Variants in PTPN11 observed in about 807,000 individuals in gnomAD.
PTPN11 encodes protein tyrosine phosphatase non-receptor type 11.
PTPN11 carries 6 observed loss-of-function variants against 78.8 expected under a neutral mutation model. That is an observed-to-expected ratio of 0.08 (90% CI 0.04 to 0.15). The LOEUF (loss-of-function observed/expected upper bound fraction) is 0.15, where lower values mean the gene tolerates loss of function less well. PTPN11 is among the 10% of genes least tolerant of loss of function. The pLI is 1.00. For missense variants in PTPN11, 386 were observed against 744.8 expected, an observed-to-expected ratio of 0.52 and a Z score of 5.61; for synonymous variants, 221 against 263.5, an observed-to-expected ratio of 0.84 and a Z score of 1.56.
At chr12:112,460,902 C>T (rs1236778934) in intron 6 of PTPN11, among the ~76,000 whole-genome samples, 1 of 152,104 alleles carries the variant, frequency 6.6e-6, no homozygotes, top group East Asian at 1.9e-4. Context: ...CCTTCCATCT[C>T]TCTTTTTCTG....
intron 13 of PTPN11, 86 bp downstream of exon 13, chr12:112,489,261 T>A: frequency 6.7e-7 from 1 of 1,488,108 alleles, no homozygotes; most frequent in Non-Finnish European, 9.4e-7. Context: ...GAGGACAGGC[T>A]CTGATAGACA....
chr12:112,448,788 C>T (rs973863079), intron 2 of PTPN11, among the ~76,000 whole-genome samples: 8 of 152,110 alleles, frequency 5.3e-5, no homozygotes, highest in African/African-American at 1.4e-4. Flanking sequence ...AATATAGTAA[C>T]CTTTTGCATA....
At chr12:112,429,730 G>A (rs949717913) in intron 1 of PTPN11, among the ~76,000 whole-genome samples, 6 of 150,992 alleles carry the variant, frequency 4.0e-5, no homozygotes, top group African/African-American at 1.5e-4. Context: ...CTTGAACCCG[G>A]GAGTGGAGGT....
chr12:112,506,283 C>T lies in PTPN11; in HGVS notation c.*491C>T, dbSNP rs3241. 2.0e-5 allele frequency: 3 copies of T among 151,916 alleles called. No individual in the cohort carries two copies. Among genetic ancestry groups the T allele is most frequent in the Admixed American group, 2.0e-4 (3 of 15,244 alleles). The allele number at this position is 151,916 out of a possible 1,614,324, so 9.4% of individuals were successfully genotyped here. ...ACAATCTCATTTACCATCATGTATCCAGTAGTGGATAATTCATTTTGATGG... is the reference window on the plus strand; with the variant it reads ...ACAATCTCATTTACCATCATGTATCTAGTAGTGGATAATTCATTTTGATGG... On this transcript the variant is annotated 3_prime_UTR_variant, in exon 16 of 16. Transcript: ENST00000351677.
chr12:112,491,224 C>G (rs1283911280), intron 13 of PTPN11, among the ~76,000 whole-genome samples: 1 of 151,800 alleles, frequency 6.6e-6, no homozygotes, highest in Non-Finnish European at 1.5e-5. Flanking sequence ...TCACACTCTG[C>G]CAGTTCCTTG....
intron 1 of PTPN11, among the ~76,000 whole-genome samples, chr12:112,426,569 T>G (rs2037619590): frequency 6.6e-6 from 1 of 152,106 alleles, no homozygotes; most frequent in Admixed American, 6.6e-5. Flanking sequence ...AACTTTGTTT[T>G]TTTTCCTCTT....
rs146404895 is a variant in PTPN11 at position 112,482,910 on chromosome 12, A to G, written c.1224+705A>G. On this transcript the variant is annotated intron_variant, in intron 10 of 15. Transcript: ENST00000351677. This position sits in a 1 kb window ranked among gnomAD's most constrained non-coding sequence, Gnocchi z 4.4. ...TGGGCAGTGATTTGTTTTCTTCTGG[A>G]TGTGTTCAGCTGGGCATCTGAACAG... is the stretch of plus-strand genomic sequence containing the variant. Among the ~76,000 whole-genome samples the G allele has an allele frequency of 1.1e-3, 170 of 152,210 alleles. 3 individuals are homozygous for G. Among genetic ancestry groups the G allele is most frequent in the Non-Finnish European group, 4.4e-5 (3 of 68,016 alleles).
In PTPN11 at chr12:112,486,531, C is replaced by T. The variant is rs753173299; in HGVS notation, c.1281C>T (p.Gly427=). The change falls in exon 11 of 16, where the codon GGC becomes GGT. Residue 427 remains glycine, a synonymous_variant. Transcript: ENST00000351677. ...QYHFRTWPDH[G]VPSDPGGVLD... The stretch of plus-strand genomic sequence containing the variant: ...ACTTTCGGACCTGGCCGGACCACGG[C>T]GTGCCCAGCGACCCTGGGGGCGTGC... 32 of 1,614,110 alleles carry T rather than the reference C, an allele frequency of 2.0e-5. No homozygotes were observed. The highest frequency in any genetic ancestry group is 3.3e-4 in the Middle Eastern group (2 of 6,082).
chr12:112,495,824 T>C (rs574042386), intron 13 of PTPN11, among the ~76,000 whole-genome samples: 6 of 152,302 alleles, frequency 3.9e-5, no homozygotes, highest in African/African-American at 1.4e-4. Context: ...TTATGTAATG[T>C]GTTGAGTACT....
intron 1 of PTPN11, among the ~76,000 whole-genome samples, chr12:112,442,902 A>ACGTATGTAT (rs1555266906): frequency 2.4e-5 from 3 of 124,122 alleles, no homozygotes; most frequent in African/African-American, 9.4e-5. Flanking sequence ...CTACACATAT[A>ACGTATGTAT]TGTATGTATA....
rs121918470 is a variant in PTPN11 at position 112,489,105 on chromosome 12, A to G, written c.1529A>G (p.Gln510Arg). Reference protein sequence around the residue: ...QRSGMVQTEAQYRFIYMAVQH... With the variant: ...QRSGMVQTEARYRFIYMAVQH... The stretch of plus-strand genomic sequence containing the variant: ...TCAGGGATGGTCCAGACAGAAGCAC[A>G]GTACCGATTTATCTATATGGCGGTC... The change falls in exon 13 of 16, where the codon CAG becomes CGG. Residue 510 changes from glutamine (Q) to arginine (R), a missense_variant. Transcript: ENST00000351677. The G allele has an allele frequency of 8.7e-6, 14 of 1,614,226 alleles. No homozygotes were observed. Among genetic ancestry groups the G allele is most frequent in the East Asian group, 2.2e-5 (1 of 44,888 alleles).
At chr12:112,496,923 G>A (rs1264655320) in intron 13 of PTPN11, among the ~76,000 whole-genome samples, 1 of 152,140 alleles carries the variant, frequency 6.6e-6, no homozygotes, top group Admixed American at 6.6e-5. Context: ...TATAATCCTA[G>A]CACTTTGGGA....
intron 13 of PTPN11, among the ~76,000 whole-genome samples, chr12:112,494,801 G>C (rs1592858309): frequency 1.3e-5 from 2 of 152,304 alleles, no homozygotes; most frequent in South Asian, 4.1e-4. Context: ...CCTGACTTAT[G>C]ATGGTTCGAC....
chr12:112,477,278 A>C (rs1328322327), intron 7 of PTPN11, among the ~76,000 whole-genome samples: 1 of 152,088 alleles, frequency 6.6e-6, no homozygotes, highest in Admixed American at 6.6e-5. Flanking sequence ...TGGCCTCCCA[A>C]AGTGCTGAAA....
Position 112,482,318 on chromosome 12 carries a change from A to G in PTPN11, c.1224+113A>G, listed in dbSNP as rs537366852. The G allele has an allele frequency of 8.0e-7, 1 of 1,245,820 alleles. No homozygotes were observed. Among genetic ancestry groups the G allele is most frequent in the East Asian group, 2.4e-5 (1 of 42,116 alleles). 77.2% of individuals were successfully genotyped at this position (1,245,820 alleles called of 1,614,324 possible). On this transcript the variant is annotated intron_variant, in intron 10 of 15. Transcript: ENST00000351677. The surrounding 1 kb of genome is among the most constrained non-coding windows in gnomAD (Gnocchi z 4.4). The stretch of plus-strand genomic sequence containing the variant: ...CATGCATGCATTCGCTCACTCATTG[A>G]TTCAGTAGCCATTTATTAGCTTCCT...
intron 5 of PTPN11, 81 bp from the exon 6 acceptor site, chr12:112,455,869 A>G (rs1231222853): frequency 2.5e-6 from 2 of 813,348 alleles, no homozygotes; most frequent in South Asian, 1.5e-5. Flanking sequence ...CAACATAGAC[A>G]TGTTTTTTTT....
chr12:112,421,336 T>C (rs1005980069), intron 1 of PTPN11, among the ~76,000 whole-genome samples: 8 of 152,230 alleles, frequency 5.3e-5, no homozygotes, highest in Admixed American at 5.2e-4. Context: ...ACCACCACCA[T>C]AGTCAAGATA....
intron 11 of PTPN11, 32 bp from the exon 12 acceptor site, chr12:112,488,411 G>C (rs2038706016): frequency 6.4e-7 from 1 of 1,566,434 alleles, no homozygotes; most frequent in African/African-American, 1.4e-5. Flanking sequence ...GAATGATTCT[G>C]TTGTCCCTGC....
intron 9 of PTPN11, among the ~76,000 whole-genome samples, chr12:112,479,355 G>A (rs1045812121): frequency 6.6e-6 from 1 of 152,124 alleles, no homozygotes; most frequent in Non-Finnish European, 1.5e-5. Context: ...ATTTTATGTG[G>A]AATGTAGCAG....
Sources: allele counts gnomAD v4.1 joint callset (sites outside exome capture counted in the v4.1 genomes callset), GRCh38; gene constraint gnomAD v4.1.1; non-coding constraint Gnocchi (gnomAD v3.1); transcripts MANE v1.5; gene names NCBI Gene and HGNC (gene_info 2026-07-23, HGNC 2026-07-21).